The following ZBTB41 variants were observed in gnomAD, a reference collection of about 807,000 sequenced individuals.
ZBTB41 encodes the protein zinc finger and BTB domain-containing protein 41.
Under a neutral mutation model 87.6 loss-of-function variants are expected in ZBTB41, and 42 were observed. The ratio of observed to expected loss-of-function variants is 0.48; its 90% CI spans 0.37 to 0.62. The LOEUF (loss-of-function observed/expected upper bound fraction) is 0.62, where lower values mean the gene tolerates loss of function less well. Ranked by LOEUF, ZBTB41 falls within the 20% of genes least tolerant of loss-of-function variation. ZBTB41 has a pLI of 0.00. For missense variants in ZBTB41, 799 were observed against 1,078.9 expected (o/e 0.74, Z 3.63); for synonymous variants, 364 against 364.0 (o/e 1.00, Z 0.00).
chr1:197,182,253 G>A (rs979903483), intron 5 of ZBTB41, among the ~76,000 whole-genome samples: 4 of 152,018 alleles, frequency 2.6e-5, no homozygotes, highest in East Asian at 1.9e-4. Context: ...TATAGCTGGC[G>A]GCTTCAGCTG....
intron 10 of ZBTB41, among the ~76,000 whole-genome samples, chr1:197,162,126 A>G (rs1310613931): frequency 6.6e-6 from 1 of 152,196 alleles, no homozygotes; most frequent in Non-Finnish European, 1.5e-5. Context: ...ATTTTAAACA[A>G]CTTTCATTTT....
intron 7 of ZBTB41, 121 bp downstream of exon 7, chr1:197,178,296 C>T: frequency 1.8e-6 from 1 of 561,252 alleles, no homozygotes; most frequent in Non-Finnish European, 2.8e-6. Flanking sequence ...AGTTTTTGCA[C>T]AACTTTGCAT....
intron 2 of ZBTB41, among the ~76,000 whole-genome samples, chr1:197,194,631 A>AAG (rs1553232800): frequency 6.0e-5 from 9 of 151,090 alleles, no homozygotes; most frequent in African/African-American, 1.5e-4. Context: ...AAAAAAAAAA[A>AAG]AAGAAGAAGA....
intron 2 of ZBTB41, among the ~76,000 whole-genome samples, chr1:197,196,964 T>C (rs975486463): frequency 2.6e-5 from 4 of 152,260 alleles, no homozygotes; most frequent in African/African-American, 9.6e-5. Context: ...TATTGTAACA[T>C]GATTGTGTTT....
At chr1:197,177,498 C>G (rs1287280418) in intron 7 of ZBTB41, among the ~76,000 whole-genome samples, 1 of 152,046 alleles carries the variant, frequency 6.6e-6, no homozygotes, top group Non-Finnish European at 1.5e-5. Context: ...AATGGAGAAT[C>G]TGTCCTATTC....
At chr1:197,187,116 TACA>T (rs1197891096) in intron 5 of ZBTB41, among the ~76,000 whole-genome samples, 1 of 152,172 alleles carries the variant, frequency 6.6e-6, no homozygotes, top group African/African-American at 2.4e-5. Context: ...TGTAAAATGA[TACA>T]ACTACTTTGG....
intron 8 of ZBTB41, chr1:197,175,857 A>G (rs567190927): frequency 1.3e-5 from 2 of 152,050 alleles, no homozygotes; most frequent in East Asian, 1.9e-4. Context: ...TCTCATTGAG[A>G]TCATCTCAGA....
In ZBTB41 at chr1:197,200,449, A is replaced by G; in HGVS notation, c.25T>C (p.Ser9Pro). 1 of 1,599,224 alleles carries G rather than the reference A, an allele frequency of 6.3e-7. No homozygotes were observed. Among genetic ancestry groups the G allele is most frequent in the African/African-American group, 1.3e-5 (1 of 74,262 alleles). Residue 9 changes from serine (S) to proline (P), a missense_variant, in exon 2 of 11, where the codon TCA becomes CCA. Coordinates refer to ENST00000367405, the MANE Select transcript of ZBTB41 (RefSeq NM_194314.3). The stretch of plus-strand genomic sequence containing the variant: ...CCTAGATGGATCTTCTCAAGATTTG[A>G]AGTAACCTTTCTCCTCTTCTTCATT... Reference protein sequence around the residue: MKKRRKVTSNLEKIHLGYH... With the variant: MKKRRKVTPNLEKIHLGYH...
intron 5 of ZBTB41, 81 bp from the exon 6 acceptor site, chr1:197,181,198 T>G (rs1189266367): frequency 7.7e-7 from 1 of 1,297,600 alleles, no homozygotes; most frequent in African/African-American, 1.5e-5. Context: ...TGCTGTAAGT[T>G]CATGCCTATC....
chr1:197,174,077 T>TTCC (rs569221537), intron 9 of ZBTB41, among the ~76,000 whole-genome samples: 1 of 152,138 alleles, frequency 6.6e-6, no homozygotes, highest in South Asian at 2.1e-4. Context: ...ACACTTTAAC[T>TTCC]TCCTCACAGT....
intron 8 of ZBTB41, chr1:197,175,888 C>A (rs1659593353): frequency 6.6e-6 from 1 of 151,882 alleles, no homozygotes; most frequent in African/African-American, 2.4e-5. Context: ...CTGTTGCATA[C>A]TTTATATTCA....
intron 2 of ZBTB41, 23 bp downstream of exon 2, chr1:197,199,331 G>C: frequency 6.8e-7 from 1 of 1,469,162 alleles, no homozygotes; most frequent in Non-Finnish European, 9.0e-7. Flanking sequence ...ATTAGAGATA[G>C]AAAACCAGTT....
At chr1:197,200,763 G>A (rs1571676652) in intron 1 of ZBTB41, among the ~76,000 whole-genome samples, 173 bp from the exon 2 acceptor site, 1 of 152,200 alleles carries the variant, frequency 6.6e-6, no homozygotes, top group African/African-American at 2.4e-5. Flanking sequence ...GCCGGGTTTA[G>A]AAAAGGCAGC....
chr1:197,166,195 A>AT (rs1413058306), intron 10 of ZBTB41, among the ~76,000 whole-genome samples: 9 of 151,886 alleles, frequency 5.9e-5, no homozygotes, highest in African/African-American at 1.5e-4. Context: ...TATAATAATA[A>AT]AAAAAAAGAA....
intron 10 of ZBTB41, among the ~76,000 whole-genome samples, chr1:197,161,285 C>T (rs1297186550): frequency 1.3e-5 from 2 of 152,180 alleles, no homozygotes; most frequent in African/African-American, 2.4e-5. Flanking sequence ...GCAGTAGACA[C>T]AAAGGCATTA....
intron 5 of ZBTB41, among the ~76,000 whole-genome samples, chr1:197,187,471 C>T (rs1163131329): frequency 1.3e-5 from 2 of 152,186 alleles, no homozygotes; most frequent in Non-Finnish European, 2.9e-5. Flanking sequence ...AAACTATGCA[C>T]ATCATCCCAT....
rs137880581 is a variant in ZBTB41 at position 197,191,883 on chromosome 1, G to A, written c.1137C>T (p.His379=). The A allele has an allele frequency of 2.5e-6, 4 of 1,603,142 alleles. No individual in the cohort carries two copies. In the South Asian group the frequency reaches 3.4e-5, roughly 14 times the overall value. ...TFDRIGKYES[H]TRVHTGEKPF... ...GCTTCTCACCTGTGTGAACACGGGTGTGGCTCTCATATTTTCCTATAAAAA... is the reference window on the plus strand; with the variant it reads ...GCTTCTCACCTGTGTGAACACGGGTATGGCTCTCATATTTTCCTATAAAAA... The change falls in exon 3 of 11, where the codon CAC becomes CAT. Residue 379 remains histidine (H), a synonymous_variant. Coordinates refer to ENST00000367405, the MANE Select transcript of ZBTB41 (RefSeq NM_194314.3).
Position 197,191,785 on chromosome 1 carries a change from C to T in ZBTB41, c.1235G>A (p.Ser412Asn). The T allele has an allele frequency of 1.2e-6, 2 of 1,613,830 alleles. No individual in the cohort carries two copies. The highest frequency in any genetic ancestry group is 1.7e-6 in the Non-Finnish European group (2 of 1,179,858). ...CTTCTTATGAAATTCTGTTTCATTA[C>T]TGTGCTTCTTTCTGTGAACAGTTAG... ...SNLTVHRKKH[S>N]NETEFHKKEH... Residue 412 changes from serine (S) to asparagine (N), a missense_variant, in exon 3 of 11, where the codon AGT becomes AAT. Physicochemically the swap from Ser to Asn is conservative, Grantham distance 46. This residue lies in a region of ZBTB41 where 294 missense variants were observed against 340.1 expected (regional missense o/e 0.86). Coordinates refer to ENST00000367405, the MANE Select transcript of ZBTB41 (RefSeq NM_194314.3).
intron 2 of ZBTB41, among the ~76,000 whole-genome samples, chr1:197,193,380 AC>A (rs1234249052): frequency 5.9e-5 from 9 of 151,892 alleles, no homozygotes; most frequent in African/African-American, 2.2e-4. Context: ...CTACAAAAAA[AC>A]AAACAAAAAA....
Sources: gnomAD v4.1 joint callset for allele counts (sites outside exome capture counted in the v4.1 genomes callset) on GRCh38, gnomAD v4.1.1 for gene constraint, gnomAD v4.1.1 regional missense constraint, MANE v1.5 for transcripts, NCBI Gene and HGNC (gene_info 2026-07-23, HGNC 2026-07-21) for gene names.